LRRC1: variants seen among roughly 807,000 people sequenced by gnomAD.
LRRC1 encodes leucine rich repeat containing 1.
A neutral mutation model predicts 69.9 loss-of-function variants in LRRC1; 28 were observed. The observed-to-expected ratio is 0.40, with a 90% CI of 0.30 to 0.55. The LOEUF (loss-of-function observed/expected upper bound fraction) is 0.55, where lower values mean the gene tolerates loss of function less well. LRRC1 is among the 20% of genes least tolerant of loss of function. The pLI is 0.47. For synonymous variants in LRRC1, 236 were observed against 240.2 expected (o/e 0.98, Z 0.16); for missense variants, 498 against 609.0 (o/e 0.82, Z 1.92).
At chr6:53,899,494 G>A (rs1034250976) in intron 7 of LRRC1, among the ~76,000 whole-genome samples, 42 of 152,126 alleles carry the variant, frequency 2.8e-4, no homozygotes, top group Non-Finnish European at 2.5e-4. Flanking sequence ...TATTAAGTGG[G>A]AATGATTCCT....
At chr6:53,833,406 A>ATGATATTAAT (rs1765488667) in intron 1 of LRRC1, among the ~76,000 whole-genome samples, 1 of 152,232 alleles carries the variant, frequency 6.6e-6, no homozygotes, top group Admixed American at 6.5e-5. Context: ...TAATGGTGAC[A>ATGATATTAAT]GCTTAATAAT....
Position 53,892,045 on chromosome 6 carries a change from CACAT to C in LRRC1, c.447-4449_447-4446del, listed in dbSNP as rs1382536894. Among the ~76,000 whole-genome samples, 104 of 149,820 alleles carry C rather than the reference CACAT, an allele frequency of 6.9e-4. No homozygotes were observed. The South Asian group carries it at 0.013, about 19-fold the overall frequency. Reference sequence around the variant, plus strand: ...ACACACACACACACACACACACACACACATACACATAAAAATAAATATGTATATA... The same window carrying C: ...ACACACACACACACACACACACACACACACATAAAAATAAATATGTATATA... On this transcript the variant is annotated intron_variant, in intron 4 of 13. Transcript: ENST00000370888.
At chr6:53,837,460 G>A (rs1340938882) in intron 1 of LRRC1, among the ~76,000 whole-genome samples, 1 of 152,154 alleles carries the variant, frequency 6.6e-6, no homozygotes, top group Non-Finnish European at 1.5e-5. Context: ...AGGATGAAAA[G>A]GGGTCAAGAT....
At chr6:53,827,246 A>G (rs1765295063) in intron 1 of LRRC1, among the ~76,000 whole-genome samples, 1 of 151,760 alleles carries the variant, frequency 6.6e-6, no homozygotes. Flanking sequence ...GTTGCTTACA[A>G]AGCATAGATA....
intron 5 of LRRC1, 135 bp from the exon 6 acceptor site, chr6:53,896,694 T>A: frequency 1.0e-6 from 1 of 993,576 alleles, no homozygotes; most frequent in Non-Finnish European, 1.5e-6. Flanking sequence ...TTCTTAACAA[T>A]CCTTCCTGTG....
intron 2 of LRRC1, among the ~76,000 whole-genome samples, chr6:53,874,255 TATA>T (rs1766992524): frequency 6.6e-6 from 1 of 152,110 alleles, no homozygotes; most frequent in African/African-American, 2.4e-5. Context: ...AGATAATGTT[TATA>T]AAAGGGCTAC....
intron 9 of LRRC1, 128 bp downstream of exon 9, chr6:53,902,875 T>C: frequency 1.6e-6 from 1 of 617,788 alleles, no homozygotes; most frequent in South Asian, 2.4e-5. Flanking sequence ...AGCAAATGCA[T>C]GACCTAAAGA....
intron 10 of LRRC1, among the ~76,000 whole-genome samples, chr6:53,909,631 A>G (rs1768349664): frequency 6.6e-6 from 1 of 151,982 alleles, no homozygotes; most frequent in Non-Finnish European, 1.5e-5. Flanking sequence ...AGAATTCCGT[A>G]GCTATTAGTG....
At chr6:53,798,529 C>T (rs1229195745) in intron 1 of LRRC1, among the ~76,000 whole-genome samples, 1 of 152,198 alleles carries the variant, frequency 6.6e-6, no homozygotes, top group Non-Finnish European at 1.5e-5. Flanking sequence ...CAGGTGCCCA[C>T]CACCACACCC....
At chr6:53,795,901 G>T (rs1003085093) in intron 1 of LRRC1, among the ~76,000 whole-genome samples, 3 of 152,220 alleles carry the variant, frequency 2.0e-5, no homozygotes, top group African/African-American at 7.2e-5. Context: ...CAAGCGGGCC[G>T]CACTATCTCG....
rs577639108 is a variant in LRRC1 at position 53,829,472 on chromosome 6, C to T, written c.160-12638C>T. 5.3e-5 allele frequency among the ~76,000 whole-genome samples: 8 copies of T among 152,238 alleles called. No individual in the cohort carries two copies. The East Asian group carries it at 5.8e-4, about 11-fold the overall frequency. ...TTTAATGTTAAATTGCTCTCACTCA[C>T]GCATATGAGATGTTCTTCATTAAAG... On this transcript the variant is annotated intron_variant, in intron 1 of 13. Coordinates refer to ENST00000370888, the MANE Select transcript of LRRC1 (RefSeq NM_018214.5).
At chr6:53,841,149 G>T (rs1376364894) in intron 1 of LRRC1, among the ~76,000 whole-genome samples, 1 of 152,198 alleles carries the variant, frequency 6.6e-6, no homozygotes, top group Non-Finnish European at 1.5e-5. Flanking sequence ...TTTTAGCATG[G>T]TTATGTTACC....
intron 7 of LRRC1, 140 bp from the exon 8 acceptor site, chr6:53,899,607 T>C (rs1767981994): frequency 1.4e-6 from 1 of 707,104 alleles, no homozygotes; most frequent in Admixed American, 3.3e-5. Context: ...AATTTGCCCC[T>C]GCCTTCACAT....
At chr6:53,867,762 C>G (rs950722235) in intron 2 of LRRC1, among the ~76,000 whole-genome samples, 1 of 151,764 alleles carries the variant, frequency 6.6e-6, no homozygotes, top group Non-Finnish European at 1.5e-5. Flanking sequence ...TGAGACCAGC[C>G]AGGGCAAGAT....
intron 3 of LRRC1, 68 bp downstream of exon 3, chr6:53,879,139 C>T: frequency 9.3e-7 from 1 of 1,074,436 alleles, no homozygotes; most frequent in Admixed American, 1.9e-5. Context: ...AAGCGGAGAA[C>T]ACAGTCAGGT....
chr6:53,891,451 C>CA (rs201969537), intron 4 of LRRC1, among the ~76,000 whole-genome samples: 2,449 of 142,876 alleles, frequency 0.017, 33 homozygotes, highest in Non-Finnish European at 0.025. Flanking sequence ...AAAAATGAGA[C>CA]AAAAAAAATC....
intron 2 of LRRC1, among the ~76,000 whole-genome samples, chr6:53,859,668 C>T (rs1316046020): frequency 6.6e-6 from 1 of 152,150 alleles, no homozygotes; most frequent in Non-Finnish European, 1.5e-5. Context: ...GCCATTGTGA[C>T]ACCAACATTG....
At chr6:53,873,232 T>G (rs777001424) in intron 2 of LRRC1, among the ~76,000 whole-genome samples, 1 of 152,056 alleles carries the variant, frequency 6.6e-6, no homozygotes, top group African/African-American at 2.4e-5. Context: ...GATTGATTTT[T>G]AAAAATTTCT....
chr6:53,873,448 C>T lies in LRRC1; in HGVS notation c.278-5545C>T, dbSNP rs991228189. Among the ~76,000 whole-genome samples the T allele has an allele frequency of 2.8e-5, 4 of 143,336 alleles. 1 individual carries two copies. In the South Asian group the frequency reaches 7.3e-4, roughly 26 times the overall value. The allele number at this position is 143,336 out of a possible 152,430, so 94.0% of individuals were successfully genotyped here. On this transcript the variant is annotated intron_variant, in intron 2 of 13. Coordinates refer to ENST00000370888, the MANE Select transcript of LRRC1 (RefSeq NM_018214.5). ...CTGGGACCACAGGTATCCGCCACCA[C>T]GCCCGGCTAATTTTTTTTTTTTTTG...
Sources: allele counts gnomAD v4.1 joint callset (sites outside exome capture counted in the v4.1 genomes callset), GRCh38; gene constraint gnomAD v4.1.1; transcripts MANE v1.5; gene names NCBI Gene and HGNC (gene_info 2026-07-23, HGNC 2026-07-21).